RBMS1: variants seen among roughly 807,000 people sequenced by gnomAD.
RBMS1 encodes RNA binding motif single stranded interacting protein 1.
In RBMS1, 17 loss-of-function variants were observed where a neutral mutation model predicts 62.3. The ratio of observed to expected loss-of-function variants is 0.27; its 90% CI spans 0.19 to 0.41. The LOEUF (loss-of-function observed/expected upper bound fraction) is 0.41. Among genes scored for constraint, RBMS1 ranks in the 10% least tolerant of loss-of-function variants. The pLI is 1.00. For synonymous variants in RBMS1, 172 were observed against 170.0 expected, an observed-to-expected ratio of 1.01 and a Z score of -0.09; for missense variants, 334 against 504.5, an observed-to-expected ratio of 0.66 and a Z score of 3.24.
At chr2:160,413,366 G>C (rs905823314) in intron 1 of RBMS1, among the ~76,000 whole-genome samples, 1 of 152,058 alleles carries the variant, frequency 6.6e-6, no homozygotes, top group Non-Finnish European at 1.5e-5. Context: ...AAAAATAGGG[G>C]GTCAGCAGAT....
At chr2:160,299,817 T>C (rs1488522584) in intron 6 of RBMS1, among the ~76,000 whole-genome samples, 1 of 152,034 alleles carries the variant, frequency 6.6e-6, no homozygotes, top group Non-Finnish European at 1.5e-5. Flanking sequence ...GCTGGGGAAA[T>C]TGAGAACTGC....
intron 1 of RBMS1, among the ~76,000 whole-genome samples, chr2:160,396,225 G>T (rs1695130748): frequency 6.6e-6 from 1 of 152,102 alleles, no homozygotes; most frequent in Admixed American, 6.5e-5. Context: ...TGGCCATGTG[G>T]TTCAGTTGAA....
chr2:160,356,042 C>A (rs919950693), intron 2 of RBMS1, among the ~76,000 whole-genome samples: 16 of 152,006 alleles, frequency 1.1e-4, no homozygotes, highest in Non-Finnish European at 1.3e-4. Flanking sequence ...TTCTTATATG[C>A]CCATTATTTT....
chr2:160,404,693 G>C (rs1022799955), intron 1 of RBMS1, among the ~76,000 whole-genome samples: 3 of 152,176 alleles, frequency 2.0e-5, no homozygotes, highest in African/African-American at 7.2e-5. Flanking sequence ...AGCTTTAAGA[G>C]TTGTACAATC....
intron 2 of RBMS1, among the ~76,000 whole-genome samples, chr2:160,339,497 T>C (rs1691750951): frequency 6.6e-6 from 1 of 152,158 alleles, no homozygotes; most frequent in South Asian, 2.1e-4. Flanking sequence ...TGTGGTGATC[T>C]AAAAGTTCTG....
intron 1 of RBMS1, among the ~76,000 whole-genome samples, chr2:160,431,545 T>C (rs558991580): frequency 2.2e-4 from 33 of 152,286 alleles, no homozygotes; most frequent in African/African-American, 7.7e-4. Flanking sequence ...CCAAAGTCTG[T>C]TTCATAATCT....
At chr2:160,371,998 A>G (rs1693749682) in intron 1 of RBMS1, among the ~76,000 whole-genome samples, 1 of 152,224 alleles carries the variant, frequency 6.6e-6, no homozygotes, top group Non-Finnish European at 1.5e-5. Context: ...CATTTACAAA[A>G]TTAACCACAT....
chr2:160,277,334 G>A lies in RBMS1; in HGVS notation c.1112C>T (p.Ala371Val), dbSNP rs755387751. Residue 371 changes from alanine to valine, a missense_variant, in exon 12 of 14, where the codon GCA becomes GTA. Ala to Val is a moderately conservative substitution (Grantham distance 64). Transcript: ENST00000348849. ...AMQGAYLPQY[A>V]HMQTTAVPVE... Reference sequence around the variant, plus strand: ...AGGAACCGCTGTCGTCTGCATATGTGCATACTGTGGCAAGTAGGCTCCTTG... The same window carrying A: ...AGGAACCGCTGTCGTCTGCATATGTACATACTGTGGCAAGTAGGCTCCTTG... 1.8e-5 allele frequency: 29 copies of A among 1,613,260 alleles called. No homozygotes were observed. The highest frequency in any genetic ancestry group is 1.7e-6 in the Non-Finnish European group (2 of 1,179,386).
At chr2:160,461,281 A>G (rs6746022) in intron 1 of RBMS1, among the ~76,000 whole-genome samples, 132,321 of 152,158 alleles carry the variant, frequency 0.87, 57,724 homozygotes, top group East Asian at 0.96. Flanking sequence ...GAGGGAGAGA[A>G]AGAAAGAGAG....
chr2:160,391,419 A>T (rs1694860182), intron 1 of RBMS1, among the ~76,000 whole-genome samples: 1 of 151,830 alleles, frequency 6.6e-6, no homozygotes, highest in Non-Finnish European at 1.5e-5. Flanking sequence ...TAGCCTCCAA[A>T]ACTGAGAAAA....
At position 160,465,520 on chromosome 2, in the gene RBMS1, G is replaced by A. The variant is rs150119916; in HGVS notation, c.75+27769C>T. On this transcript the variant is annotated intron_variant, in intron 1 of 13. Transcript: ENST00000348849. ...GCTACCTAAGTATCTCTTACTCTCAGAGAAGTACTCTAGATCTTACTCAGG... is the reference window on the plus strand; with the variant it reads ...GCTACCTAAGTATCTCTTACTCTCAAAGAAGTACTCTAGATCTTACTCAGG... Among the ~76,000 whole-genome samples the A allele has an allele frequency of 4.6e-5, 7 of 152,208 alleles. No individual in the cohort carries two copies. In the East Asian group the frequency reaches 1.4e-3, roughly 29 times the overall value.
chr2:160,329,440 T>C (rs530752413), intron 2 of RBMS1, among the ~76,000 whole-genome samples: 78 of 152,298 alleles, frequency 5.1e-4, no homozygotes, highest in Admixed American at 1.4e-3. Context: ...CGTATTGATT[T>C]CTTACTGGTT....
At chr2:160,278,992 A>C (rs1474503059) in intron 10 of RBMS1, 1 of 188,954 alleles carries the variant, frequency 5.3e-6, no homozygotes, top group African/African-American at 2.4e-5. Context: ...CTATCATAGG[A>C]AAAACAAACT....
At chr2:160,276,339 T>TACCACCACCACCACC (rs373432177) in intron 12 of RBMS1, among the ~76,000 whole-genome samples, 2 of 150,846 alleles carry the variant, frequency 1.3e-5, no homozygotes, top group African/African-American at 4.9e-5. Context: ...AAAATACTAC[T>TACCACCACCACCACC]ACCACCACCA....
chr2:160,326,262 C>T (rs1196949872), intron 2 of RBMS1, among the ~76,000 whole-genome samples: 2 of 152,208 alleles, frequency 1.3e-5, no homozygotes, highest in Non-Finnish European at 2.9e-5. Flanking sequence ...TATGCCCTTT[C>T]AAGGCCTGTG....
In RBMS1 at chr2:160,287,056, A is replaced by G. The variant is rs1688436744; in HGVS notation, c.669T>C (p.Phe223=). The change falls in exon 7 of 14, where the codon TTT becomes TTC. Residue 223 remains phenylalanine, a synonymous_variant. Coordinates refer to ENST00000348849, the MANE Select transcript of RBMS1 (RefSeq NM_016836.4). ...SAPTEPLLCK[F]ADGGQKKRQN... ...GTCTCTTTTTCTGTCCTCCATCAGC[A>G]AACTTACACAATAAAGGTTCTGTGG... The G allele has an allele frequency of 6.2e-7, 1 of 1,613,950 alleles. No homozygotes were observed. The highest frequency in any genetic ancestry group is 8.5e-7 in the Non-Finnish European group (1 of 1,180,048).
intron 1 of RBMS1, among the ~76,000 whole-genome samples, chr2:160,478,301 C>T (rs1049862527): frequency 3.3e-5 from 5 of 152,164 alleles, no homozygotes; most frequent in Admixed American, 6.5e-5. Flanking sequence ...GAACCAACCA[C>T]GGTGAAGGAC....
At chr2:160,313,333 G>A in intron 3 of RBMS1, 86 bp from the exon 4 acceptor site, 2 of 1,302,398 alleles carry the variant, frequency 1.5e-6, no homozygotes, top group South Asian at 2.7e-5. Context: ...TTTGTTTCTG[G>A]TGTGGGCAAG....
At chr2:160,289,971 A>G (rs1222541765) in intron 6 of RBMS1, among the ~76,000 whole-genome samples, 1 of 149,386 alleles carries the variant, frequency 6.7e-6, no homozygotes, top group Non-Finnish European at 1.5e-5. Context: ...TGGTCTTACC[A>G]TGATGTTGAG....
Sources: gnomAD v4.1 joint callset for allele counts (sites outside exome capture counted in the v4.1 genomes callset) on GRCh38, gnomAD v4.1.1 for gene constraint, MANE v1.5 for transcripts, NCBI Gene and HGNC (gene_info 2026-07-23, HGNC 2026-07-21) for gene names.